The following AP2B1 variants were observed in gnomAD, a reference collection of about 807,000 sequenced individuals.
AP2B1 encodes the protein AP-2 complex subunit beta.
Under a neutral mutation model 102.0 loss-of-function variants are expected in AP2B1, and 23 were observed. The observed-to-expected ratio is 0.23, with a 90% CI of 0.16 to 0.32. AP2B1 has a LOEUF of 0.32. AP2B1 is among the 10% of genes least tolerant of loss of function. The probability of loss-of-function intolerance (pLI) is 1.00; values close to 1 mark genes in which losing one functional copy is unlikely to be tolerated. For synonymous variants in AP2B1, 381 were observed against 421.2 expected (o/e 0.90, Z 1.17); for missense variants, 541 against 1,157.4 (o/e 0.47, Z 7.73).
chr17:35,665,242 C>T (rs1485519923), intron 14 of AP2B1, among the ~76,000 whole-genome samples: 3 of 151,182 alleles, frequency 2.0e-5, no homozygotes, highest in Non-Finnish European at 4.4e-5. Context: ...ATCCTCCCAC[C>T]GCAGCCTCCG....
intron 21 of AP2B1, among the ~76,000 whole-genome samples, chr17:35,718,988 T>A (rs1555591513): frequency 6.6e-6 from 1 of 152,170 alleles, no homozygotes; most frequent in African/African-American, 2.4e-5. Context: ...TACACAATAT[T>A]CTTGATTTTG....
At chr17:35,606,388 C>T (rs879439482) in intron 4 of AP2B1, among the ~76,000 whole-genome samples, 1 of 151,822 alleles carries the variant, frequency 6.6e-6, no homozygotes, top group African/African-American at 2.4e-5. Context: ...TACAGGTGAC[C>T]GTCACCATGC....
intron 2 of AP2B1, among the ~76,000 whole-genome samples, chr17:35,596,247 G>C (rs1478041472): frequency 6.6e-6 from 1 of 152,190 alleles, no homozygotes; most frequent in Non-Finnish European, 1.5e-5. Context: ...ACTGTTCCCG[G>C]AAGTGAATGA....
intron 15 of AP2B1, 72 bp downstream of exon 15, chr17:35,670,970 A>G (rs1431795069): frequency 5.3e-6 from 8 of 1,499,784 alleles, no homozygotes; most frequent in Non-Finnish European, 6.5e-6. Context: ...TGTACACATT[A>G]TCAGACCAGC....
chr17:35,624,135 G>A (rs1344059135), intron 5 of AP2B1, among the ~76,000 whole-genome samples: 4 of 152,176 alleles, frequency 2.6e-5, no homozygotes, highest in Admixed American at 2.0e-4. Flanking sequence ...CATGGTTAAT[G>A]TATGTTTTCC....
intron 18 of AP2B1, among the ~76,000 whole-genome samples, chr17:35,705,842 G>A (rs974227987): frequency 2.0e-5 from 3 of 152,004 alleles, no homozygotes; most frequent in East Asian, 3.9e-4. Flanking sequence ...GTGCCCAGCC[G>A]AATTTTTCTT....
chr17:35,607,053 G>A (rs967927443), intron 4 of AP2B1, among the ~76,000 whole-genome samples: 3 of 151,986 alleles, frequency 2.0e-5, no homozygotes, highest in African/African-American at 7.3e-5. Context: ...TTACAGGCAT[G>A]CACCACCACA....
At chr17:35,673,263 T>C (rs771727649) in intron 16 of AP2B1, among the ~76,000 whole-genome samples, 47 of 152,128 alleles carry the variant, frequency 3.1e-4, no homozygotes, top group Admixed American at 5.2e-4. Context: ...CAGGCTGGAG[T>C]GCAGTGGCGT....
chr17:35,671,732 C>T (rs1411438298), intron 15 of AP2B1, 22 bp from the exon 16 acceptor site: 1 of 1,611,850 alleles, frequency 6.2e-7, no homozygotes. Context: ...TCTCCCCTCT[C>T]CCTTTTTTTT....
intron 17 of AP2B1, 74 bp downstream of exon 17, chr17:35,674,395 T>C: frequency 1.9e-6 from 3 of 1,547,824 alleles, no homozygotes; most frequent in Non-Finnish European, 2.6e-6. Context: ...ACATTCCATT[T>C]AGCACTGGTT....
At chr17:35,681,545 A>G (rs1022263434) in intron 17 of AP2B1, among the ~76,000 whole-genome samples, 1 of 152,202 alleles carries the variant, frequency 6.6e-6, no homozygotes, top group Non-Finnish European at 1.5e-5. Context: ...CTAGGACTAC[A>G]GGCGTGTGCC....
intron 6 of AP2B1, among the ~76,000 whole-genome samples, chr17:35,625,902 A>G (rs2074300959): frequency 6.6e-6 from 1 of 152,158 alleles, no homozygotes; most frequent in Non-Finnish European, 1.5e-5. Context: ...TTTCTTTAAT[A>G]CAGTAAGTTA....
chr17:35,665,998 T>A (rs1438615877), intron 14 of AP2B1, among the ~76,000 whole-genome samples: 1 of 152,262 alleles, frequency 6.6e-6, no homozygotes. Flanking sequence ...TTTTCTTTTC[T>A]TGGAGTCAGG....
Position 35,710,430 on chromosome 17 carries a change from T to G in AP2B1, c.2626+110T>G, listed in dbSNP as rs2076422716. 6 of 728,524 alleles carry G rather than the reference T, an allele frequency of 8.2e-6. 1 individual carries two copies. In the South Asian group the frequency reaches 1.1e-4, roughly 13 times the overall value. The allele number at this position is 728,524 out of a possible 1,614,324, so 45.1% of individuals were successfully genotyped here. On this transcript the variant is annotated intron_variant, in intron 20 of 21. Coordinates refer to ENST00000610402, the MANE Select transcript of AP2B1 (RefSeq NM_001030006.2). Reference sequence around the variant, plus strand: ...TTTATCCTCCCCCGTATCTACTATGTTTCTAGTGGGTATATATGGTAGATG... The same window carrying G: ...TTTATCCTCCCCCGTATCTACTATGGTTCTAGTGGGTATATATGGTAGATG...
intron 18 of AP2B1, among the ~76,000 whole-genome samples, chr17:35,698,030 A>AT (rs1177249179): frequency 6.6e-6 from 1 of 152,174 alleles, no homozygotes; most frequent in Non-Finnish European, 1.5e-5. Flanking sequence ...TAAGAAAACA[A>AT]TTTTTTCAGG....
chr17:35,663,038 T>C (rs372840575), intron 14 of AP2B1, among the ~76,000 whole-genome samples: 2 of 152,374 alleles, frequency 1.3e-5, no homozygotes, highest in African/African-American at 4.8e-5. Flanking sequence ...CCTTTCAGAT[T>C]ATTAAGTCAT....
chr17:35,615,713 G>A (rs2073992579), intron 5 of AP2B1, among the ~76,000 whole-genome samples: 1 of 152,160 alleles, frequency 6.6e-6, no homozygotes, highest in African/African-American at 2.4e-5. Flanking sequence ...AATTTAAAAT[G>A]TGTAATACTT....
intron 19 of AP2B1, among the ~76,000 whole-genome samples, chr17:35,709,840 A>C (rs587719936): frequency 6.6e-6 from 1 of 152,334 alleles, no homozygotes; most frequent in African/African-American, 2.4e-5. Flanking sequence ...ATCACAATCT[A>C]ATAAAACTGG....
intron 11 of AP2B1, 109 bp from the exon 12 acceptor site, chr17:35,641,768 A>G (rs1468938674): frequency 2.9e-6 from 2 of 689,826 alleles, no homozygotes; most frequent in African/African-American, 1.8e-5. Context: ...AACCAAAATC[A>G]GAAAGGCTCC....
Sources: gnomAD v4.1 joint callset for allele counts (sites outside exome capture counted in the v4.1 genomes callset) on GRCh38, gnomAD v4.1.1 for gene constraint, MANE v1.5 for transcripts, NCBI Gene and HGNC (gene_info 2026-07-23, HGNC 2026-07-21) for gene names.